Variants in ELAVL1 observed in about 807,000 individuals in gnomAD.
ELAVL1 encodes ELAV-like protein 1.
Under a neutral mutation model 28.4 loss-of-function variants are expected in ELAVL1, and 1 was observed. That is an observed-to-expected ratio of 0.04 (90% CI 0.01 to 0.17). ELAVL1 has a LOEUF of 0.17. ELAVL1 is among the 10% of genes least tolerant of loss of function. The pLI, the probability that ELAVL1 is intolerant of heterozygous loss-of-function variation, is 1.00. For synonymous variants in ELAVL1, 174 were observed against 183.5 expected (o/e 0.95, Z 0.42); for missense variants, 157 against 447.2 (o/e 0.35, Z 5.85).
At chr19:7,972,092 T>C (rs1038958285) in intron 4 of ELAVL1, among the ~76,000 whole-genome samples, 2 of 152,224 alleles carry the variant, frequency 1.3e-5, no homozygotes, top group Non-Finnish European at 2.9e-5. Context: ...ACACACAGTC[T>C]GTGTGGGAAG....
rs370080641 is a variant in ELAVL1 at position 7,967,536 on chromosome 19, T to C, written c.656+29A>G. ...GCCTGCCAGCGGGGCTAAGTATGGC[T>C]TTCAGGAGCGCGCACCCTCCCGACC... On this transcript the variant is annotated intron_variant, in intron 5 of 5. Transcript: ENST00000407627. 21 of 1,607,912 alleles carry C rather than the reference T, an allele frequency of 1.3e-5. No individual in the cohort carries two copies. In the African/African-American group the frequency reaches 2.1e-4, roughly 16 times the overall value.
chr19:7,969,422 A>G (rs1407051626), intron 4 of ELAVL1, among the ~76,000 whole-genome samples: 1 of 152,004 alleles, frequency 6.6e-6, no homozygotes, highest in Non-Finnish European at 1.5e-5. Context: ...AGCTGCCCCC[A>G]CAATCGCGAC....
chr19:7,995,672 C>T (rs985028964), intron 1 of ELAVL1, among the ~76,000 whole-genome samples: 1 of 151,980 alleles, frequency 6.6e-6, no homozygotes, highest in African/African-American at 2.4e-5. Flanking sequence ...CAAAAAAAAT[C>T]TGCCGACCTC....
intron 1 of ELAVL1, among the ~76,000 whole-genome samples, chr19:7,994,355 C>G (rs940824939): frequency 6.6e-6 from 1 of 152,224 alleles, no homozygotes; most frequent in Non-Finnish European, 1.5e-5. Context: ...TGTAAAGCAT[C>G]CTTCAGGGCA....
intron 2 of ELAVL1, among the ~76,000 whole-genome samples, chr19:7,986,747 T>C (rs1276859559): frequency 1.3e-5 from 2 of 152,190 alleles, no homozygotes; most frequent in African/African-American, 4.8e-5. Flanking sequence ...ATGCGACCGA[T>C]GATGATGGGA....
chr19:7,965,039 C>T (rs1323323631), intron 5 of ELAVL1, among the ~76,000 whole-genome samples: 3 of 152,224 alleles, frequency 2.0e-5, no homozygotes, highest in Non-Finnish European at 2.9e-5. Context: ...TTCACCCTCT[C>T]GACAGACACG....
chr19:7,977,573 A>C (rs963922145), intron 3 of ELAVL1, among the ~76,000 whole-genome samples: 18 of 152,226 alleles, frequency 1.2e-4, no homozygotes, highest in Admixed American at 9.2e-4. Context: ...TGCATCTGGG[A>C]CATGCTCAGC....
intron 3 of ELAVL1, among the ~76,000 whole-genome samples, chr19:7,974,569 C>G (rs988183838): frequency 6.6e-6 from 1 of 152,090 alleles, no homozygotes; most frequent in Admixed American, 6.6e-5. Context: ...CGCTGACGGC[C>G]GTGCAGACCC....
intron 4 of ELAVL1, among the ~76,000 whole-genome samples, chr19:7,970,453 C>A (rs1436538398): frequency 6.6e-6 from 1 of 152,120 alleles, no homozygotes; most frequent in African/African-American, 2.4e-5. Flanking sequence ...CCGTGCCCGG[C>A]CTATTTTTAG....
In ELAVL1 at chr19:7,981,223, C is replaced by A. The variant is rs374914332; in HGVS notation, c.173-37G>T. 20 of 1,608,572 alleles carry A rather than the reference C, an allele frequency of 1.2e-5. No homozygotes were observed. The highest frequency in any genetic ancestry group is 1.6e-5 in the Non-Finnish European group (19 of 1,175,002). On this transcript the variant is annotated intron_variant, in intron 2 of 5. Transcript: ENST00000407627. The surrounding 1 kb of genome is among the most constrained non-coding windows in gnomAD (Gnocchi z 4.2). ...AACATGAAGACATTGGTAAGCCAAC[C>A]GTCTGCGAGTGAGGGACAGGGAGGT...
chr19:7,999,604 G>A (rs1166030801), intron 1 of ELAVL1, among the ~76,000 whole-genome samples: 1 of 152,156 alleles, frequency 6.6e-6, no homozygotes, highest in African/African-American at 2.4e-5. Flanking sequence ...CAGCAGTACA[G>A]GAGGCTGCTG....
At chr19:7,983,702 C>T (rs1985525845) in intron 2 of ELAVL1, among the ~76,000 whole-genome samples, 1 of 152,176 alleles carries the variant, frequency 6.6e-6, no homozygotes, top group South Asian at 2.1e-4. Context: ...GAGAAAGTCA[C>T]ACACTGATAG....
In ELAVL1 at chr19:7,970,876, A is replaced by C. The variant is rs552256283; in HGVS notation, c.430+2849T>G. On this transcript the variant is annotated intron_variant, in intron 4 of 5. Coordinates refer to ENST00000407627, the MANE Select transcript of ELAVL1 (RefSeq NM_001419.3). ...CGCGCCCGGCCATCCTCATCTATTT[A>C]ACACTAAAAAGCCCGTCACAGGAAG... Among the ~76,000 whole-genome samples, 3 of 152,308 alleles carry C rather than the reference A, an allele frequency of 2.0e-5. No homozygotes were observed. In the East Asian group the frequency reaches 5.8e-4, roughly 29 times the overall value.
At chr19:7,969,787 G>A (rs557220139) in intron 4 of ELAVL1, among the ~76,000 whole-genome samples, 4 of 152,216 alleles carry the variant, frequency 2.6e-5, no homozygotes, top group East Asian at 1.9e-4. Context: ...TGGCTTCCTC[G>A]TCTGGGGTTG....
intron 1 of ELAVL1, among the ~76,000 whole-genome samples, chr19:7,997,686 A>C (rs916207818): frequency 3.9e-5 from 6 of 152,168 alleles, no homozygotes; most frequent in East Asian, 1.9e-4. Context: ...CATGCCTTTA[A>C]TCCCAGCGCT....
chr19:7,969,619 T>C (rs979266834), intron 4 of ELAVL1, among the ~76,000 whole-genome samples: 5 of 152,152 alleles, frequency 3.3e-5, no homozygotes, highest in African/African-American at 1.2e-4. Context: ...AATGACAGCT[T>C]AGTCAGTCTT....
In ELAVL1 at chr19:7,959,782, C is replaced by G. The variant is rs1157327494; in HGVS notation, c.*3701G>C. The G allele has an allele frequency of 6.6e-6, 1 of 151,966 alleles. No individual in the cohort carries two copies. The highest frequency in any genetic ancestry group is 1.5e-5 in the Non-Finnish European group (1 of 68,040). 9.4% of individuals were successfully genotyped at this position (151,966 alleles called of 1,614,324 possible). A position where few individuals can be genotyped will look rare whatever the true frequency, so the allele number is the denominator to read the frequency against. On this transcript the variant is annotated 3_prime_UTR_variant, in exon 6 of 6. Transcript: ENST00000407627. Reference sequence around the variant, plus strand: ...AGGGCTGTCTTGCGAAGTTTGGGGACAGGAACCCCTGACCCCCAGAGTCAG... The same window carrying G: ...AGGGCTGTCTTGCGAAGTTTGGGGAGAGGAACCCCTGACCCCCAGAGTCAG...
intron 2 of ELAVL1, among the ~76,000 whole-genome samples, chr19:7,984,811 C>T (rs1326236959): frequency 2.0e-5 from 3 of 152,214 alleles, no homozygotes; most frequent in African/African-American, 7.2e-5. Context: ...TTGTCCAGCA[C>T]CTGACCACCC....
At chr19:7,996,769 C>T (rs1330868402) in intron 1 of ELAVL1, among the ~76,000 whole-genome samples, 5 of 152,180 alleles carry the variant, frequency 3.3e-5, no homozygotes, top group African/African-American at 4.8e-5. Flanking sequence ...GCCGAGATGG[C>T]GCCACTGTAC....
Sources: allele counts gnomAD v4.1 joint callset (sites outside exome capture counted in the v4.1 genomes callset), GRCh38; gene constraint gnomAD v4.1.1; non-coding constraint Gnocchi (gnomAD v3.1); transcripts MANE v1.5; gene names NCBI Gene and HGNC (gene_info 2026-07-23, HGNC 2026-07-21).